Variants in SLC2A7 observed in about 807,000 individuals in gnomAD.
The protein encoded by SLC2A7 is solute carrier family 2 member 7.
A neutral mutation model predicts 50.5 loss-of-function variants in SLC2A7; 50 were observed. The observed-to-expected ratio is 0.99, with a 90% confidence interval of 0.79 to 1.25. SLC2A7 has a LOEUF of 1.25. Among genes scored for constraint, SLC2A7 ranks in the 50% most tolerant of loss-of-function variants. The probability of loss-of-function intolerance (pLI) is 0.00; values close to 1 mark genes in which losing one functional copy is unlikely to be tolerated. For missense variants in SLC2A7, 683 were observed against 679.1 expected (o/e 1.01, Z -0.06); for synonymous variants, 308 against 300.4 (o/e 1.03, Z -0.26).
intron 2 of SLC2A7, 28 bp from the exon 3 acceptor site, chr1:9,023,106 A>G: frequency 6.2e-7 from 1 of 1,606,696 alleles, no homozygotes; most frequent in Non-Finnish European, 8.5e-7. Context: ...ATCCACAGCT[A>G]AGAATATTGG....
At position 9,011,746 on chromosome 1, in the gene SLC2A7, C is replaced by CTTTT. The variant is rs34758810; in HGVS notation, c.1015-1506_1015-1503dup. Among the ~76,000 whole-genome samples, 72 of 93,232 alleles carry CTTTT rather than the reference C, an allele frequency of 7.7e-4. 1 individual carries two copies. Among genetic ancestry groups the CTTTT allele is most frequent in the South Asian group, 1.2e-3 (3 of 2,574 alleles). The allele number at this position is 93,232 out of a possible 152,430, so 61.2% of individuals were successfully genotyped here. A position where few individuals can be genotyped will look rare whatever the true frequency, so the allele number is the denominator to read the frequency against. ...TCCTTTTCTACTTCTTCTTCTTCTTCTTTTTTTTTTTTTTTTTTTTTTTGG... is the reference window on the plus strand; with the variant it reads ...TCCTTTTCTACTTCTTCTTCTTCTTCTTTTTTTTTTTTTTTTTTTTTTTTTTTGG... On this transcript the variant is annotated intron_variant, in intron 8 of 11. Transcript: ENST00000400906.
chr1:9,004,886 G>A lies in SLC2A7; in HGVS notation c.1193-7C>T, dbSNP rs1166156709. The A allele has an allele frequency of 6.2e-7, 1 of 1,612,866 alleles. No homozygotes were observed. Among genetic ancestry groups the A allele is most frequent in the African/African-American group, 1.3e-5 (1 of 74,902 alleles). Reference sequence around the variant, plus strand: ...ACCACCGAGGGGACAGGACCTGGAGGGCAGAGCAGGATGGGTGGGGCGGAG... The same window carrying A: ...ACCACCGAGGGGACAGGACCTGGAGAGCAGAGCAGGATGGGTGGGGCGGAG... On this transcript the variant is annotated splice_polypyrimidine_tract_variant and splice_region_variant and intron_variant, in intron 10 of 11. Transcript: ENST00000400906.
chr1:9,024,700 G>A (rs546969352), intron 2 of SLC2A7, among the ~76,000 whole-genome samples: 2 of 152,276 alleles, frequency 1.3e-5, no homozygotes, highest in African/African-American at 4.8e-5. Flanking sequence ...AGTGGGACCT[G>A]AGGCCCAAAA....
intron 9 of SLC2A7, 141 bp downstream of exon 9, chr1:9,010,002 T>G (rs1448877202): frequency 1.4e-6 from 1 of 702,438 alleles, no homozygotes; most frequent in Non-Finnish European, 2.5e-6. Flanking sequence ...GATGGGGCAT[T>G]GCAAAGTACT....
intron 1 of SLC2A7, 56 bp from the exon 2 acceptor site, chr1:9,025,130 A>T: frequency 6.4e-7 from 1 of 1,561,570 alleles, no homozygotes; most frequent in Non-Finnish European, 8.8e-7. Context: ...CGGGAAGTGG[A>T]GTGGCTGGGC....
intron 10 of SLC2A7, among the ~76,000 whole-genome samples, chr1:9,006,208 C>T (rs1180563927): frequency 6.6e-6 from 1 of 152,220 alleles, no homozygotes. Context: ...GTTCTGCTGC[C>T]TCCACGTTTG....
rs1264836338 is a variant in SLC2A7, at chr1:9,008,623, G to T, written c.1117-1238C>A. On this transcript the variant is annotated intron_variant, in intron 9 of 11. Coordinates refer to ENST00000400906, the MANE Select transcript of SLC2A7 (RefSeq NM_207420.3). This position sits in a 1 kb window ranked among gnomAD's most constrained non-coding sequence, Gnocchi z 5.9. ...TATTGGTTTTTTTTTTTTTTAGACA[G>T]AATCTCGCTCTGTCACCCAGGCTGG... 7.3e-6 allele frequency among the ~76,000 whole-genome samples: 1 copy of T among 137,438 alleles called. No individual in the cohort carries two copies. Among genetic ancestry groups the T allele is most frequent in the African/African-American group, 2.7e-5 (1 of 37,252 alleles). The allele number at this position is 137,438 out of a possible 152,430, so 90.2% of individuals were successfully genotyped here. A position where few individuals can be genotyped will look rare whatever the true frequency, so the allele number is the denominator to read the frequency against.
chr1:9,015,154 G>T lies in SLC2A7; in HGVS notation c.678C>A (p.Ser226=), dbSNP rs1434388540. 6.2e-7 allele frequency: 1 copy of T among 1,613,442 alleles called. No individual in the cohort carries two copies. Among genetic ancestry groups the T allele is most frequent in the Non-Finnish European group, 8.5e-7 (1 of 1,179,842 alleles). Residue 226 remains serine (S), a synonymous_variant, in exon 6 of 12, where the codon TCC becomes TCA. Transcript: ENST00000400906. ...TGGCTTCATCTCCTTTCTGAATCAG[G>T]GAGTAGCGGGGGCTTTCGGGGAAGA... The part of the protein sequence containing the change: ...LPFFPESPRY[S]LIQKGDEATA...
rs1569791349 is a variant in SLC2A7, at chr1:9,011,557, A to G, written c.1015-1313T>C. 2.6e-5 allele frequency among the ~76,000 whole-genome samples: 4 copies of G among 151,784 alleles called. 1 individual carries two copies. In the South Asian group the frequency reaches 6.2e-4, roughly 24 times the overall value. ...GCCCCCTCCTATTCTCTGGGGCTCC[A>G]CTCGACATTGAGGCCATCTGGAATC... On this transcript the variant is annotated intron_variant, in intron 8 of 11. Transcript: ENST00000400906.
chr1:8,999,147 T>C (rs1309577888), downstream of SLC2A7, among the ~76,000 whole-genome samples: 4 of 152,174 alleles, frequency 2.6e-5, no homozygotes, highest in Non-Finnish European at 5.9e-5. Flanking sequence ...ATTCAGGTTA[T>C]CTATTTCTTT....
chr1:9,020,937 T>C (rs1441789029), intron 3 of SLC2A7, among the ~76,000 whole-genome samples: 2 of 152,164 alleles, frequency 1.3e-5, no homozygotes, highest in African/African-American at 2.4e-5. Flanking sequence ...CTGCTGCCAT[T>C]CATGGAAGAT....
At chr1:9,009,329 G>A (rs1054275372) in intron 9 of SLC2A7, among the ~76,000 whole-genome samples, 2 of 152,330 alleles carry the variant, frequency 1.3e-5, no homozygotes, top group South Asian at 2.1e-4. Context: ...GACACACCAC[G>A]TATTTTCATC....
At chr1:9,003,933 T>C (rs1237654154) in intron 11 of SLC2A7, among the ~76,000 whole-genome samples, 1 of 150,290 alleles carries the variant, frequency 6.7e-6, no homozygotes, top group Non-Finnish European at 1.5e-5. Flanking sequence ...TGTGAGTCCA[T>C]AAAGGAGTTG....
intron 11 of SLC2A7, 113 bp downstream of exon 11, chr1:9,004,639 T>C: frequency 7.4e-7 from 1 of 1,356,640 alleles, no homozygotes; most frequent in South Asian, 1.3e-5. Context: ...CTTGGATGTG[T>C]CTGAGAGCCT....
At chr1:9,000,604 G>A (rs1640560620), downstream of SLC2A7, among the ~76,000 whole-genome samples, 2 of 152,090 alleles carry the variant, frequency 1.3e-5, no homozygotes, top group South Asian at 4.1e-4. Context: ...GGGCAACAGA[G>A]CAAGACTCTG....
At chr1:9,020,658 G>A (rs1640899660) in intron 3 of SLC2A7, among the ~76,000 whole-genome samples, 1 of 148,570 alleles carries the variant, frequency 6.7e-6, no homozygotes, top group Admixed American at 6.8e-5. Flanking sequence ...GCTGGCTGGT[G>A]CATCCTGATA....
In SLC2A7 at chr1:9,014,767, G is replaced by A. The variant is rs1313306713; in HGVS notation, c.817C>T (p.His273Tyr). Residue 273 changes from histidine to tyrosine, a missense_variant, in exon 7 of 12, where the codon CAC becomes TAC. Transcript: ENST00000400906. ...CGCAGGGACCGCAGGGCACAGAGGT[G>A]CAGCACAGACAGGTGGCCCTCGGCG... ...ERAEGHLSVLHLCALRSLRWQ... is the reference protein window; with the variant it reads ...ERAEGHLSVLYLCALRSLRWQ... The A allele has an allele frequency of 3.1e-6, 5 of 1,595,356 alleles. No homozygotes were observed. The African/African-American group carries it at 5.4e-5, about 17-fold the overall frequency.
intron 8 of SLC2A7, among the ~76,000 whole-genome samples, chr1:9,010,831 C>T (rs1640738736): frequency 2.0e-5 from 3 of 152,346 alleles, no homozygotes; most frequent in Middle Eastern, 3.4e-3. Flanking sequence ...AGAATAACCA[C>T]ATTTTCTAGT....
the SLC2A7 span, among the ~76,000 whole-genome samples, chr1:8,994,186 G>C: frequency 1.3e-5 from 2 of 152,182 alleles, no homozygotes; most frequent in African/African-American, 4.8e-5. Flanking sequence ...CAAATGAGTG[G>C]GCTGACCTAA....
Sources: gnomAD v4.1 joint callset for allele counts (sites outside exome capture counted in the v4.1 genomes callset) on GRCh38, gnomAD v4.1.1 for gene constraint, Gnocchi (gnomAD v3.1) non-coding constraint, MANE v1.5 for transcripts, NCBI Gene and HGNC (gene_info 2026-07-23, HGNC 2026-07-21) for gene names.